RABGAP1L: variants seen among roughly 807,000 people sequenced by gnomAD.
RABGAP1L encodes the protein rab GTPase-activating protein 1-like.
A neutral mutation model predicts 137.7 loss-of-function variants in RABGAP1L; 63 were observed. The ratio of observed to expected loss-of-function variants is 0.46; its 90% CI spans 0.37 to 0.56. The LOEUF is 0.56. Ranked by LOEUF, RABGAP1L falls within the 20% of genes least tolerant of loss-of-function variation. The pLI is 0.00. For missense variants in RABGAP1L, 1,095 were observed against 1,244.0 expected (o/e 0.88, Z 1.80); for synonymous variants, 431 against 433.7 (o/e 0.99, Z 0.08).
chr1:174,313,322 T>C lies in RABGAP1L; in HGVS notation c.1465+8195T>C, dbSNP rs72713524. Among the ~76,000 whole-genome samples, 166 of 152,368 alleles carry C rather than the reference T, an allele frequency of 1.1e-3. 1 individual carries two copies. Among genetic ancestry groups the C allele is most frequent in the Non-Finnish European group, 1.4e-3 (94 of 68,034 alleles). ...TTTTGTATTGTAATTTGGTATCCTGTAACTTTATTGAATTTGTTGATGAGT... is the reference window on the plus strand; with the variant it reads ...TTTTGTATTGTAATTTGGTATCCTGCAACTTTATTGAATTTGTTGATGAGT... On this transcript the variant is annotated intron_variant, in intron 11 of 25. Transcript: ENST00000681986.
Position 174,491,372 on chromosome 1 carries a change from G to A in RABGAP1L, c.1710+97227G>A, listed in dbSNP as rs553063899. ...GAGTTTCTCAAAATACTTTCTGGGA[G>A]CTAAGGCCTGAAATGGGGGTCTCAC... On this transcript the variant is annotated intron_variant, in intron 13 of 25. Coordinates refer to ENST00000681986, the MANE Select transcript of RABGAP1L (RefSeq NM_001366446.1). 2.6e-5 allele frequency among the ~76,000 whole-genome samples: 4 copies of A among 152,172 alleles called. No homozygotes were observed. In the East Asian group the frequency reaches 7.7e-4, roughly 29 times the overall value.
intron 11 of RABGAP1L, among the ~76,000 whole-genome samples, chr1:174,322,555 T>C (rs1680088603): frequency 6.6e-6 from 1 of 152,184 alleles, no homozygotes; most frequent in Admixed American, 6.6e-5. Flanking sequence ...TATGATATAA[T>C]GTCTAGCTTT....
intron 11 of RABGAP1L, among the ~76,000 whole-genome samples, chr1:174,349,761 G>C (rs1432743170): frequency 3.1e-3 from 426 of 138,126 alleles, no homozygotes; most frequent in South Asian, 0.023. Context: ...TCCCAGACGG[G>C]GCGGCTGGCC....
intron 12 of RABGAP1L, among the ~76,000 whole-genome samples, chr1:174,386,401 C>T (rs562257429): frequency 2.0e-4 from 30 of 152,274 alleles, no homozygotes; most frequent in Non-Finnish European, 3.8e-4. Flanking sequence ...AAGTAATTTG[C>T]CCATGATCAT....
intron 21 of RABGAP1L, among the ~76,000 whole-genome samples, chr1:174,974,795 G>T (rs1670504674): frequency 1.3e-5 from 2 of 152,246 alleles, no homozygotes; most frequent in Non-Finnish European, 2.9e-5. Flanking sequence ...GACTGTGCTG[G>T]CCTGGCCATC....
chr1:174,805,580 C>G (rs1208900936), intron 18 of RABGAP1L, among the ~76,000 whole-genome samples: 2 of 152,194 alleles, frequency 1.3e-5, no homozygotes, highest in African/African-American at 2.4e-5. Context: ...CGGTTCACTG[C>G]AACCTCCATC....
chr1:174,769,705 T>G (rs1685962500), intron 18 of RABGAP1L, among the ~76,000 whole-genome samples: 1 of 152,078 alleles, frequency 6.6e-6, no homozygotes, highest in Admixed American at 6.6e-5. Flanking sequence ...ATCAAGAAGT[T>G]AGCCGGGCAT....
chr1:174,531,779 T>C (rs542821010), intron 13 of RABGAP1L, among the ~76,000 whole-genome samples: 1 of 151,896 alleles, frequency 6.6e-6, no homozygotes, highest in African/African-American at 2.4e-5. Flanking sequence ...CAAAACATAT[T>C]ATTGAGTAAT....
At chr1:174,781,255 C>T (rs896917997) in intron 18 of RABGAP1L, among the ~76,000 whole-genome samples, 14 of 152,122 alleles carry the variant, frequency 9.2e-5, no homozygotes, top group Admixed American at 3.3e-4. Flanking sequence ...TTTTAATGAT[C>T]GCCATTCTAA....
chr1:174,232,005 G>A (rs902546808), intron 4 of RABGAP1L, among the ~76,000 whole-genome samples: 4 of 151,918 alleles, frequency 2.6e-5, no homozygotes, highest in African/African-American at 7.3e-5. Context: ...GAAATAAAAC[G>A]GTAAAAATAC....
intron 14 of RABGAP1L, among the ~76,000 whole-genome samples, chr1:174,662,497 A>G (rs1359222036): frequency 6.6e-6 from 1 of 152,052 alleles, no homozygotes; most frequent in East Asian, 1.9e-4. Flanking sequence ...GCTCACTGCA[A>G]AACTCCACCT....
chr1:174,255,394 A>G (rs1458315161), intron 7 of RABGAP1L, among the ~76,000 whole-genome samples: 2 of 152,244 alleles, frequency 1.3e-5, no homozygotes, highest in African/African-American at 4.8e-5. Context: ...AAACTTACAG[A>G]AGAGTTAAAA....
chr1:174,402,722 A>AACG (rs1215112352), intron 13 of RABGAP1L, among the ~76,000 whole-genome samples: 3 of 152,192 alleles, frequency 2.0e-5, no homozygotes, highest in Non-Finnish European at 4.4e-5. Flanking sequence ...GGTGATCTGA[A>AACG]ACGACAATAG....
intron 17 of RABGAP1L, among the ~76,000 whole-genome samples, chr1:174,742,448 C>T (rs367559386): frequency 1.1e-4 from 17 of 152,094 alleles, no homozygotes; most frequent in African/African-American, 3.4e-4. Flanking sequence ...GCCCAGGAGG[C>T]GGAGGTTGCA....
At chr1:174,422,112 A>G (rs540832858) in intron 13 of RABGAP1L, among the ~76,000 whole-genome samples, 35 of 152,160 alleles carry the variant, frequency 2.3e-4, no homozygotes, top group Non-Finnish European at 8.8e-5. Context: ...TTTCATAGGC[A>G]TGTGACCTAT....
chr1:174,756,225 T>C (rs916381001), intron 18 of RABGAP1L, among the ~76,000 whole-genome samples: 4 of 152,144 alleles, frequency 2.6e-5, no homozygotes, highest in African/African-American at 9.7e-5. Flanking sequence ...CTTGGCTCAC[T>C]GCAACCTCCG....
chr1:174,874,555 C>A, intron 19 of RABGAP1L: 38 of 669,790 alleles, frequency 5.7e-5, no homozygotes, highest in East Asian at 1.4e-4. Flanking sequence ...CCCTTGATCT[C>A]AGGTAATTCT....
intron 13 of RABGAP1L, among the ~76,000 whole-genome samples, chr1:174,460,870 G>T (rs1051831790): frequency 6.6e-6 from 1 of 151,944 alleles, no homozygotes; most frequent in Non-Finnish European, 1.5e-5. Context: ...GTAGGCAGAT[G>T]GATGGATGGA....
At chr1:174,238,485 TAGAC>T (rs1351448213) in intron 4 of RABGAP1L, among the ~76,000 whole-genome samples, 1 of 152,040 alleles carries the variant, frequency 6.6e-6, no homozygotes, top group South Asian at 2.1e-4. Flanking sequence ...TTCCTTCTAA[TAGAC>T]AGGACCCTCA....
Sources: allele counts gnomAD v4.1 joint callset (sites outside exome capture counted in the v4.1 genomes callset), GRCh38; gene constraint gnomAD v4.1.1; transcripts MANE v1.5; gene names NCBI Gene and HGNC (gene_info 2026-07-23, HGNC 2026-07-21).